The following NREP variants were observed in gnomAD, a reference collection of about 807,000 sequenced individuals.
NREP encodes the protein neuronal regeneration-related protein.
Under a neutral mutation model 8.6 loss-of-function variants are expected in NREP, and 5 were observed. That is an observed-to-expected ratio of 0.58 (90% confidence interval 0.30 to 1.22). The LOEUF is 1.22. Among genes scored for constraint, NREP ranks in the 50% most tolerant of loss-of-function variants. The pLI is 0.07. For missense variants in NREP, 86 were observed against 82.5 expected, an observed-to-expected ratio of 1.04 and a Z score of -0.17; for synonymous variants, 27 against 28.0, an observed-to-expected ratio of 0.96 and a Z score of 0.11.
At chr5:111,973,027 A>T (rs766298995) in intron 2 of NREP, among the ~76,000 whole-genome samples, 1 of 152,200 alleles carries the variant, frequency 6.6e-6, no homozygotes, top group Non-Finnish European at 1.5e-5. Flanking sequence ...CAGGTTGTGC[A>T]CCCATGAAAC....
intron 2 of NREP, among the ~76,000 whole-genome samples, chr5:111,844,272 T>G (rs1479629774): frequency 6.6e-6 from 1 of 152,124 alleles, no homozygotes; most frequent in Non-Finnish European, 1.5e-5. Context: ...AATTCTATAT[T>G]TAGTTAACAT....
intron 2 of NREP, among the ~76,000 whole-genome samples, chr5:111,925,814 A>C (rs1755368678): frequency 6.6e-6 from 1 of 152,030 alleles, no homozygotes; most frequent in South Asian, 2.1e-4. Context: ...TCTTCCATTC[A>C]TCTGTGGGGT....
At chr5:111,881,942 C>T (rs1423947631) in intron 2 of NREP, among the ~76,000 whole-genome samples, 2 of 152,194 alleles carry the variant, frequency 1.3e-5, no homozygotes, top group African/African-American at 4.8e-5. Context: ...TCCAAAGGAT[C>T]ACAGTTCCTC....
chr5:111,746,746 T>C (rs1194215727), intron 2 of NREP, among the ~76,000 whole-genome samples: 1 of 152,162 alleles, frequency 6.6e-6, no homozygotes, highest in African/African-American at 2.4e-5. Context: ...AAAAGATTTT[T>C]TCAAACTAAG....
intron 2 of NREP, among the ~76,000 whole-genome samples, chr5:111,854,859 A>G (rs1181448335): frequency 1.3e-5 from 2 of 152,132 alleles, no homozygotes; most frequent in African/African-American, 4.8e-5. Context: ...TTACACACCC[A>G]TATAGATCCA....
At chr5:111,874,670 C>T (rs1753864774) in intron 2 of NREP, among the ~76,000 whole-genome samples, 1 of 152,146 alleles carries the variant, frequency 6.6e-6, no homozygotes, top group South Asian at 2.1e-4. Flanking sequence ...GGAAGAGAGA[C>T]ACTTCTCCCT....
intron 2 of NREP, among the ~76,000 whole-genome samples, chr5:111,878,713 A>T (rs897908043): frequency 6.6e-6 from 1 of 152,186 alleles, no homozygotes; most frequent in Non-Finnish European, 1.5e-5. Context: ...AAATGGTAAG[A>T]GGTCGACAGT....
At position 111,844,856 on chromosome 5, in the gene NREP, T is replaced by C. The variant is rs6881552; in HGVS notation, c.136-109349A>G. Among the ~76,000 whole-genome samples, 13 of 151,320 alleles carry C rather than the reference T, an allele frequency of 8.6e-5. 1 individual carries two copies. The highest frequency in any genetic ancestry group is 5.9e-4 in the Admixed American group (9 of 15,204). On this transcript the variant is annotated intron_variant, in intron 2 of 3. Coordinates refer to the NREP transcript ENST00000395634. ...ACTTGTTATATGCAAATTGTGTGAA[T>C]TGTGCATACTAAATTCTCGAATCTT...
At chr5:111,853,315 G>A (rs1487098001) in intron 2 of NREP, among the ~76,000 whole-genome samples, 1 of 152,008 alleles carries the variant, frequency 6.6e-6, no homozygotes, top group Non-Finnish European at 1.5e-5. Context: ...TGCAGTGGTG[G>A]ACACATTGTC....
Position 111,735,590 on chromosome 5 carries a change from A to G in NREP, c.4-83T>C, listed in dbSNP as rs1749030040. ...ACACGGGATAACCTTAATGAGCTCA[A>G]TTCTCCTCAATGGTTACTTATTCCC... On this transcript the variant is annotated intron_variant, in intron 2 of 3. Transcript: ENST00000257435. The G allele has an allele frequency of 3.3e-6, 3 of 917,170 alleles. No homozygotes were observed. The Admixed American group carries it at 5.6e-5, about 17-fold the overall frequency. The allele number at this position is 917,170 out of a possible 1,614,324, so 56.8% of individuals were successfully genotyped here. A position where few individuals can be genotyped will look rare whatever the true frequency, so the allele number is the denominator to read the frequency against.
At chr5:111,758,810 A>G (rs1750885219), upstream of NREP, among the ~76,000 whole-genome samples, 1 of 152,222 alleles carries the variant, frequency 6.6e-6, no homozygotes, top group South Asian at 2.1e-4. Flanking sequence ...CACAATTCTA[A>G]AAGAATGCAC....
At chr5:111,814,108 T>C (rs1438029874) in intron 2 of NREP, among the ~76,000 whole-genome samples, 1 of 152,022 alleles carries the variant, frequency 6.6e-6, no homozygotes, top group Non-Finnish European at 1.5e-5. Context: ...TGCAGAAGTA[T>C]TTGTCTGGTT....
chr5:111,764,588 C>T (rs1561657366), intron 2 of NREP, among the ~76,000 whole-genome samples: 1 of 152,128 alleles, frequency 6.6e-6, no homozygotes, highest in Non-Finnish European at 1.5e-5. Flanking sequence ...TAAATTACCT[C>T]CCACCAGGTC....
chr5:111,884,694 C>T (rs1259221802), intron 2 of NREP, among the ~76,000 whole-genome samples: 1 of 152,174 alleles, frequency 6.6e-6, no homozygotes, highest in African/African-American at 2.4e-5. Context: ...AAATGCAGTC[C>T]AGCATATAAA....
Position 111,794,559 on chromosome 5 carries a change from G to A in NREP, c.136-59052C>T, listed in dbSNP as rs546957983. Among the ~76,000 whole-genome samples, 5 of 152,248 alleles carry A rather than the reference G, an allele frequency of 3.3e-5. No individual in the cohort carries two copies. In the South Asian group the frequency reaches 1.0e-3, roughly 32 times the overall value. On this transcript the variant is annotated intron_variant, in intron 2 of 3. Transcript: ENST00000395634. Reference sequence around the variant, plus strand: ...GAAACTTGCATGCATATTAATAAGTGAAAGAAGCCAATCTGAAGTGAGTAC... The same window carrying A: ...GAAACTTGCATGCATATTAATAAGTAAAAGAAGCCAATCTGAAGTGAGTAC...
chr5:111,766,865 GGT>G (rs1369253997), intron 2 of NREP, among the ~76,000 whole-genome samples: 4 of 152,150 alleles, frequency 2.6e-5, no homozygotes, highest in Non-Finnish European at 5.9e-5. Context: ...ATTTTTTCTT[GGT>G]CATAAATCAT....
intron 2 of NREP, among the ~76,000 whole-genome samples, chr5:111,814,485 TC>T (rs1752341016): frequency 6.6e-6 from 1 of 152,066 alleles, no homozygotes. Context: ...TCCGTAACTT[TC>T]TTTTTGCTTG....
At chr5:111,806,882 T>C (rs1261838037) in intron 2 of NREP, among the ~76,000 whole-genome samples, 1 of 152,068 alleles carries the variant, frequency 6.6e-6, no homozygotes, top group Non-Finnish European at 1.5e-5. Flanking sequence ...GTTCCTGGTA[T>C]GGGCATTAGA....
intron 2 of NREP, among the ~76,000 whole-genome samples, chr5:111,809,175 T>A (rs1417787480): frequency 6.6e-6 from 1 of 152,240 alleles, no homozygotes; most frequent in Non-Finnish European, 1.5e-5. Flanking sequence ...TTTGTCCTTC[T>A]ACTTCTCTTT....
Sources: gnomAD v4.1 joint callset for allele counts (sites outside exome capture counted in the v4.1 genomes callset) on GRCh38, gnomAD v4.1.1 for gene constraint, MANE v1.5 for transcripts, NCBI Gene and HGNC (gene_info 2026-07-23, HGNC 2026-07-21) for gene names.